Variants in ZNF761 observed in about 807,000 individuals in gnomAD.
ZNF761 encodes zinc finger protein 761.
ZNF761 carries 43 observed loss-of-function variants against 59.9 expected under a neutral mutation model. That is an observed-to-expected ratio of 0.72 (90% CI 0.56 to 0.92). The LOEUF is 0.92. Among genes scored for constraint, ZNF761 ranks in the 40% least tolerant of loss-of-function variants. ZNF761 has a pLI of 0.00. For missense variants in ZNF761, 850 were observed against 906.1 expected (o/e 0.94, Z 0.79); for synonymous variants, 294 against 304.8 (o/e 0.96, Z 0.37).
At chr19:53,434,675 T>C (rs2086018023) in intron 1 of ZNF761, among the ~76,000 whole-genome samples, 1 of 152,212 alleles carries the variant, frequency 6.6e-6, no homozygotes, top group African/African-American at 2.4e-5. Context: ...CTCCTGATAA[T>C]AGAAGTTTTT....
intron 2 of ZNF761, 175 bp from the exon 3 acceptor site, chr19:53,447,021 G>T: frequency 2.5e-6 from 1 of 395,794 alleles, no homozygotes; most frequent in Non-Finnish European, 4.7e-6. Context: ...GCGTGTGTGT[G>T]GGCTCCTCTA....
At position 53,452,104 on chromosome 19, in the gene ZNF761, T is replaced by G. The variant is rs190509177; in HGVS notation, c.142+2466T>G. 3.2e-3 allele frequency among the ~76,000 whole-genome samples: 489 copies of G among 152,194 alleles called. 2 individuals carry two copies. Among genetic ancestry groups the G allele is most frequent in the Middle Eastern group, 6.8e-3 (2 of 294 alleles). On this transcript the variant is annotated intron_variant, in intron 4 of 4. Transcript: ENST00000684525. ...TGGCTCATACCTCTAATCCCAACAGTTTCGGATGCCAAGGTGGGCTGATCA... is the reference window on the plus strand; with the variant it reads ...TGGCTCATACCTCTAATCCCAACAGGTTCGGATGCCAAGGTGGGCTGATCA...
At position 53,457,040 on chromosome 19, in the gene ZNF761, A is replaced by G; in HGVS notation, c.*292A>G. 3.3e-6 allele frequency: 2 copies of G among 608,320 alleles called. No individual in the cohort carries two copies. Among genetic ancestry groups the G allele is most frequent in the Non-Finnish European group, 5.9e-6 (2 of 340,926 alleles). The allele number at this position is 608,320 out of a possible 1,614,324, so 37.7% of individuals were successfully genotyped here. ...TTGGGCATGATTCGCACCTGGCACA[A>G]CATGCTAGAATTCACACTGGAGAGA... is the stretch of plus-strand genomic sequence containing the variant. On this transcript the variant is annotated 3_prime_UTR_variant, in exon 5 of 5. Coordinates refer to ENST00000684525, the MANE Select transcript of ZNF761 (RefSeq NM_001289951.2).
intron 3 of ZNF761, among the ~76,000 whole-genome samples, chr19:53,448,437 C>T (rs1003924558): frequency 6.6e-6 from 1 of 152,198 alleles, no homozygotes; most frequent in African/African-American, 2.4e-5. Context: ...CTGTCACGTC[C>T]TCCACCCTCC....
intron 4 of ZNF761, chr19:53,450,499 CTG>C (rs1415354482): frequency 6.6e-6 from 1 of 152,010 alleles, no homozygotes; most frequent in Non-Finnish European, 1.5e-5. Context: ...TACATATTAT[CTG>C]TGTTTCTTGT....
chr19:53,441,010 G>T (rs563103194), intron 1 of ZNF761, among the ~76,000 whole-genome samples: 1 of 152,182 alleles, frequency 6.6e-6, no homozygotes, highest in African/African-American at 2.4e-5. Context: ...ATCAAAACGT[G>T]GTGGCCCCTG....
chr19:53,450,091 T>C, intron 4 of ZNF761: 1 of 325,788 alleles, frequency 3.1e-6, no homozygotes. Context: ...GATCACGAGG[T>C]CAGGCGATCG....
intron 1 of ZNF761, among the ~76,000 whole-genome samples, chr19:53,432,990 G>A (rs1430976546): frequency 6.6e-6 from 1 of 151,220 alleles, no homozygotes; most frequent in Admixed American, 6.6e-5. Flanking sequence ...AGAACAGAGG[G>A]AGAAGCACAG....
chr19:53,455,509 C>G lies in ZNF761; in HGVS notation c.1002C>G (p.Thr334=). The change falls in exon 5 of 5, where the codon ACC becomes ACG. Residue 334 remains threonine (T), a synonymous_variant. Coordinates refer to ENST00000684525, the MANE Select transcript of ZNF761 (RefSeq NM_001289951.2). ...ATAAGTGTAATGAGTGTGGCAAGAC[C>G]TTTAGGCAGAAGTCAATCCTTACAC... The part of the protein sequence containing the change: ...KPYKCNECGK[T]FRQKSILTRH... 1 of 1,612,958 alleles carries G rather than the reference C, an allele frequency of 6.2e-7. No individual in the cohort carries two copies. Among genetic ancestry groups the G allele is most frequent in the Non-Finnish European group, 8.5e-7 (1 of 1,179,544 alleles).
Position 53,446,240 on chromosome 19 carries a change from C to G in ZNF761, c.-171C>G, listed in dbSNP as rs949922691. 3 of 152,286 alleles carry G rather than the reference C, an allele frequency of 2.0e-5. No homozygotes were observed. The highest frequency in any genetic ancestry group is 6.6e-5 in the Admixed American group (1 of 15,252). The allele number at this position is 152,286 out of a possible 1,614,324, so 9.4% of individuals were successfully genotyped here. A position where few individuals can be genotyped will look rare whatever the true frequency, so the allele number is the denominator to read the frequency against. ...TTTTGGAGACAGAGTATTGCCCGGG[C>G]TGTGAGTGCAGTCTCATGATCTTGG... On this transcript the variant is annotated 5_prime_UTR_variant, in exon 2 of 5. Coordinates refer to ENST00000684525, the MANE Select transcript of ZNF761 (RefSeq NM_001289951.2).
At position 53,432,906 on chromosome 19, in the gene ZNF761, G is replaced by T. The variant is rs140090833; in HGVS notation, c.-185+878G>T. ...AGGGAGAGGGACAGCAAAGAGGGAG[G>T]CTCATCAGGGTGAGGGAGAGGAGGA... is the stretch of plus-strand genomic sequence containing the variant. On this transcript the variant is annotated intron_variant, in intron 1 of 4. Coordinates refer to ENST00000684525, the MANE Select transcript of ZNF761 (RefSeq NM_001289951.2). Among the ~76,000 whole-genome samples, 45 of 151,102 alleles carry T rather than the reference G, an allele frequency of 3.0e-4. No individual in the cohort carries two copies. The East Asian group carries it at 3.1e-3, about 10-fold the overall frequency.
In ZNF761 at chr19:53,455,160, A is replaced by T. The variant is rs763102087; in HGVS notation, c.653A>T (p.Asn218Ile). ...ATGAGAGAAAAATCTTTCCAATGTA[A>T]TGAGAGTGGCAAAGCCTTTAATTAC... ...VHMREKSFQC[N>I]ESGKAFNYSS... Residue 218 changes from asparagine to isoleucine, a missense_variant, in exon 5 of 5, where the codon AAT becomes ATT. Asn to Ile is a moderately radical substitution (Grantham distance 149). Coordinates refer to ENST00000684525, the MANE Select transcript of ZNF761 (RefSeq NM_001289951.2). The T allele has an allele frequency of 3.1e-6, 5 of 1,614,206 alleles. No homozygotes were observed. In the East Asian group the frequency reaches 1.1e-4, roughly 36 times the overall value.
chr19:53,442,513 A>G (rs1345536932), intron 1 of ZNF761: 27 of 724,256 alleles, frequency 3.7e-5, no homozygotes, highest in South Asian at 2.2e-4. Context: ...AAGACAATTG[A>G]TGACTTGGAA....
At position 53,455,928 on chromosome 19, in the gene ZNF761, C is replaced by T; in HGVS notation, c.1421C>T (p.Ala474Val). 1 of 1,613,812 alleles carries T rather than the reference C, an allele frequency of 6.2e-7. No homozygotes were observed. ...QPYKCEECDK[A>V]FRFKSNLERH... is the part of the protein sequence containing the mutation. ...TACAAATGTGAAGAATGTGACAAAG[C>T]TTTCCGTTTCAAATCAAACCTTGAA... Residue 474 changes from alanine (A) to valine (V), a missense_variant, in exon 5 of 5, where the codon GCT becomes GTT. By Grantham distance (64) the Ala-to-Val change is moderately conservative. Coordinates refer to ENST00000684525, the MANE Select transcript of ZNF761 (RefSeq NM_001289951.2).
rs376551547 is a variant in ZNF761 at position 53,452,719 on chromosome 19, G to A, written c.143-1931G>A. Among the ~76,000 whole-genome samples the A allele has an allele frequency of 2.1e-4, 32 of 152,306 alleles. No homozygotes were observed. In the East Asian group the frequency reaches 5.6e-3, roughly 27 times the overall value. ...GGTTTAGCCCAGCCATCTTCCTGCCGTGTCCTGACATGGTGGAAACAGGAA... is the reference window on the plus strand; with the variant it reads ...GGTTTAGCCCAGCCATCTTCCTGCCATGTCCTGACATGGTGGAAACAGGAA... On this transcript the variant is annotated intron_variant, in intron 4 of 4. Transcript: ENST00000684525.
At chr19:53,432,602 G>A (rs2085983911) in intron 1 of ZNF761, among the ~76,000 whole-genome samples, 1 of 152,162 alleles carries the variant, frequency 6.6e-6, no homozygotes, top group South Asian at 2.1e-4. Context: ...TCCAGCCCCT[G>A]GAAAATGCGC....
chr19:53,432,619 G>A (rs2147116015), intron 1 of ZNF761, among the ~76,000 whole-genome samples: 1 of 152,260 alleles, frequency 6.6e-6, no homozygotes, highest in Admixed American at 6.5e-5. Flanking sequence ...GCGCTCCCCC[G>A]GGATGCAGGC....
intron 4 of ZNF761, among the ~76,000 whole-genome samples, chr19:53,453,082 A>G (rs1227210563): frequency 4.6e-5 from 7 of 152,036 alleles, no homozygotes; most frequent in Admixed American, 2.0e-4. Flanking sequence ...GCTTACTACA[A>G]CCTCCACTTC....
chr19:53,436,108 G>T (rs1419681723), intron 1 of ZNF761, among the ~76,000 whole-genome samples: 1 of 152,140 alleles, frequency 6.6e-6, no homozygotes, highest in Admixed American at 6.5e-5. Context: ...TCTGGGTCTT[G>T]CTGGCTGTTC....
Sources: allele counts gnomAD v4.1 joint callset (sites outside exome capture counted in the v4.1 genomes callset), GRCh38; gene constraint gnomAD v4.1.1; transcripts MANE v1.5; gene names NCBI Gene and HGNC (gene_info 2026-07-23, HGNC 2026-07-21).